The following TRDN variants were observed in gnomAD, a reference collection of about 807,000 sequenced individuals.
TRDN encodes triadin in skeletal muscle.
In TRDN, 161 loss-of-function variants were observed where a neutral mutation model predicts 149.7. The ratio of observed to expected loss-of-function variants is 1.08; its 90% CI spans 0.95 to 1.23. The LOEUF is 1.23. Ranked by LOEUF, TRDN falls within the 50% of genes most tolerant of loss-of-function variation. TRDN has a pLI of 0.00. For missense variants in TRDN, 896 were observed against 823.5 expected (o/e 1.09, Z -1.08); for synonymous variants, 294 against 250.5 (o/e 1.17, Z -1.64).
chr6:123,582,216 A>C (rs1313962905), intron 1 of TRDN, among the ~76,000 whole-genome samples: 1 of 152,196 alleles, frequency 6.6e-6, no homozygotes, highest in Non-Finnish European at 1.5e-5. Context: ...GATCATAGGC[A>C]GATTCAAAGA....
intron 12 of TRDN, among the ~76,000 whole-genome samples, chr6:123,419,939 A>G (rs1397304702): frequency 1.3e-5 from 2 of 152,170 alleles, no homozygotes; most frequent in Non-Finnish European, 2.9e-5. Context: ...GAATGTGTGC[A>G]CTTCTGTGAA....
chr6:123,253,508 A>AT (rs1776451319), intron 37 of TRDN, among the ~76,000 whole-genome samples: 1 of 152,146 alleles, frequency 6.6e-6, no homozygotes, highest in South Asian at 2.1e-4. Flanking sequence ...GAAATAAATA[A>AT]TTTGGAAAAC....
intron 4 of TRDN, among the ~76,000 whole-genome samples, chr6:123,532,622 C>T (rs1405426823): frequency 1.3e-5 from 2 of 151,900 alleles, no homozygotes; most frequent in East Asian, 1.9e-4. Context: ...TTCCCACAAT[C>T]GCATAATCCA....
chr6:123,615,977 C>T (rs1296503185), intron 1 of TRDN, among the ~76,000 whole-genome samples: 1 of 152,022 alleles, frequency 6.6e-6, no homozygotes, highest in African/African-American at 2.4e-5. Flanking sequence ...GATCATTATA[C>T]ATTGTATGTA....
chr6:123,408,691 A>AAC (rs1773301142), intron 12 of TRDN, among the ~76,000 whole-genome samples: 1 of 151,978 alleles, frequency 6.6e-6, no homozygotes, highest in Admixed American at 6.6e-5. Context: ...AAAAAAAAAA[A>AAC]AGAATTGTTT....
chr6:123,333,535 T>A (rs1029677711), intron 22 of TRDN, among the ~76,000 whole-genome samples: 2 of 152,102 alleles, frequency 1.3e-5, no homozygotes, highest in Non-Finnish European at 2.9e-5. Context: ...CTAGGCTGAG[T>A]CATCACTTGC....
At chr6:123,349,661 TAC>T in intron 21 of TRDN, 1 of 956,716 alleles carries the variant, frequency 1.0e-6, no homozygotes, top group Non-Finnish European at 1.2e-6. Flanking sequence ...ATAACTTTGG[TAC>T]ACCAAGAAAT....
chr6:123,613,308 G>A (rs758612791), intron 1 of TRDN, among the ~76,000 whole-genome samples: 7 of 152,010 alleles, frequency 4.6e-5, no homozygotes, highest in South Asian at 2.1e-4. Flanking sequence ...TAAAATAAAC[G>A]TAATGATTTG....
At chr6:123,603,902 T>C (rs1784395281) in intron 1 of TRDN, among the ~76,000 whole-genome samples, 1 of 152,198 alleles carries the variant, frequency 6.6e-6, no homozygotes, top group Non-Finnish European at 1.5e-5. Flanking sequence ...TTTTCTCAAA[T>C]GCATCAGTTC....
At chr6:123,553,117 G>C (rs761774011) in intron 2 of TRDN, among the ~76,000 whole-genome samples, 106 of 152,146 alleles carry the variant, frequency 7.0e-4, no homozygotes, top group Non-Finnish European at 1.3e-3. Flanking sequence ...AAATAAGCAA[G>C]ATTGTCTGTT....
At chr6:123,635,536 A>G (rs7741860) in intron 1 of TRDN, among the ~76,000 whole-genome samples, 9,687 of 151,942 alleles carry the variant, frequency 0.064, 1,005 homozygotes, top group African/African-American at 0.22. Context: ...AACACATAGA[A>G]ATCTCTCAGT....
chr6:123,324,230 T>A (rs1779358514), intron 23 of TRDN, among the ~76,000 whole-genome samples: 1 of 152,174 alleles, frequency 6.6e-6, no homozygotes, highest in Non-Finnish European at 1.5e-5. Context: ...AGATAAAATG[T>A]CATAGGTTTA....
intron 12 of TRDN, among the ~76,000 whole-genome samples, chr6:123,427,752 C>T: frequency 6.6e-6 from 1 of 152,068 alleles, no homozygotes; most frequent in East Asian, 1.9e-4. Flanking sequence ...CTACTCTCTC[C>T]TGAATATAAT....
At position 123,255,951 on chromosome 6, in the gene TRDN, T is replaced by A. The variant is rs1050521452; in HGVS notation, c.1871-49A>T. On this transcript the variant is annotated intron_variant, in intron 35 of 40. Transcript: ENST00000334268. ...GGTAATTTATTTTTTTATTTATTTT[T>A]AATTATACTTTAAGTTCTGGGATAC... The A allele has an allele frequency of 2.0e-5, 22 of 1,080,008 alleles. No individual in the cohort carries two copies. In the African/African-American group the frequency reaches 3.3e-4, roughly 16 times the overall value. 66.9% of individuals were successfully genotyped at this position (1,080,008 alleles called of 1,614,324 possible).
At chr6:123,412,786 T>A (rs994602818) in intron 12 of TRDN, among the ~76,000 whole-genome samples, 8 of 151,986 alleles carry the variant, frequency 5.3e-5, no homozygotes, top group African/African-American at 1.7e-4. Context: ...TATCAATTTT[T>A]AAAAAAATTC....
intron 26 of TRDN, 131 bp downstream of exon 26, chr6:123,278,186 GT>G (rs140706039): frequency 1.5e-4 from 90 of 588,730 alleles, no homozygotes; most frequent in Middle Eastern, 3.2e-4. Context: ...TATTTTGTTA[GT>G]TTTTTTTTAA....
intron 22 of TRDN, among the ~76,000 whole-genome samples, chr6:123,336,402 C>T (rs1452849832): frequency 6.6e-6 from 1 of 151,966 alleles, no homozygotes; most frequent in African/African-American, 2.4e-5. Context: ...AGGTGCCTGG[C>T]AAAGAGTAGA....
Position 123,438,128 on chromosome 6 carries a change from G to A in TRDN, c.992-6C>T. The A allele has an allele frequency of 1.9e-6, 3 of 1,573,102 alleles. No homozygotes were observed. Among genetic ancestry groups the A allele is most frequent in the Admixed American group, 1.9e-5 (1 of 52,052 alleles). ...CTTTTTGATATCTTCTTTTTCTGCT[G>A]GTAAAATAAGAAAGTTATAAGCCTT... On this transcript the variant is annotated splice_region_variant and splice_polypyrimidine_tract_variant and intron_variant, in intron 11 of 40. Transcript: ENST00000334268.
chr6:123,239,307 T>A (rs73771550), intron 38 of TRDN, among the ~76,000 whole-genome samples: 8,054 of 152,208 alleles, frequency 0.053, 627 homozygotes, highest in African/African-American at 0.18. Context: ...TAATTTCTCA[T>A]CATAGGAGGA....
Sources: gnomAD v4.1 joint callset for allele counts (sites outside exome capture counted in the v4.1 genomes callset) on GRCh38, gnomAD v4.1.1 for gene constraint, MANE v1.5 for transcripts, NCBI Gene and HGNC (gene_info 2026-07-23, HGNC 2026-07-21) for gene names.